The following FTO variants were observed in gnomAD, a reference collection of about 807,000 sequenced individuals.
FTO encodes the protein FTO alpha-ketoglutarate dependent dioxygenase.
A neutral mutation model predicts 63.9 loss-of-function variants in FTO; 47 were observed. The ratio of observed to expected loss-of-function variants is 0.74; its 90% CI spans 0.58 to 0.94. The LOEUF (loss-of-function observed/expected upper bound fraction) is 0.94. FTO is among the 40% of genes least tolerant of loss of function. FTO has a pLI of 0.00. For missense variants in FTO, 562 were observed against 618.1 expected, an observed-to-expected ratio of 0.91 and a Z score of 0.96; for synonymous variants, 207 against 224.4, an observed-to-expected ratio of 0.92 and a Z score of 0.69.
chr16:53,859,071 G>A (rs567495641), intron 4 of FTO, among the ~76,000 whole-genome samples: 1 of 152,260 alleles, frequency 6.6e-6, no homozygotes, highest in East Asian at 1.9e-4. Flanking sequence ...AGAGTATAGC[G>A]AGTTGGGGAA....
chr16:53,782,352 A>G (rs1376958041), intron 1 of FTO, among the ~76,000 whole-genome samples: 1 of 152,186 alleles, frequency 6.6e-6, no homozygotes, highest in East Asian at 1.9e-4. Flanking sequence ...CCAGTTGCCC[A>G]CTGTGGCAAT....
chr16:53,976,510 C>A (rs1162689175), intron 8 of FTO, among the ~76,000 whole-genome samples: 1 of 151,954 alleles, frequency 6.6e-6, no homozygotes, highest in African/African-American at 2.4e-5. Context: ...ATTATAGGGC[C>A]TTCCCTCCTC....
At chr16:53,794,345 A>G (rs1396676698) in intron 1 of FTO, among the ~76,000 whole-genome samples, 1 of 152,356 alleles carries the variant, frequency 6.6e-6, no homozygotes, top group East Asian at 1.9e-4. Context: ...TAAAGAAAAA[A>G]GTCGTAGCTG....
intron 8 of FTO, among the ~76,000 whole-genome samples, chr16:54,026,012 A>G (rs1369456518): frequency 7.6e-6 from 1 of 131,000 alleles, no homozygotes; most frequent in Admixed American, 8.0e-5. Context: ...GCTCTGGCTC[A>G]AAGAAAAAAA....
At chr16:53,750,025 T>C (rs576300235) in intron 1 of FTO, among the ~76,000 whole-genome samples, 8 of 152,254 alleles carry the variant, frequency 5.3e-5, no homozygotes, top group Non-Finnish European at 1.0e-4. Context: ...AGAAATAACA[T>C]TGGTGAAAAC....
chr16:54,009,512 A>G (rs762338730), intron 8 of FTO, among the ~76,000 whole-genome samples: 1 of 152,122 alleles, frequency 6.6e-6, no homozygotes, highest in Non-Finnish European at 1.5e-5. Flanking sequence ...AAGAAAAGGG[A>G]GTGAGAATTT....
chr16:53,761,323 A>C (rs1175893544), intron 1 of FTO, among the ~76,000 whole-genome samples: 1 of 150,792 alleles, frequency 6.6e-6, no homozygotes, highest in African/African-American at 2.4e-5. Context: ...GCTTGTTTCC[A>C]ACTCCTGGGC....
At chr16:53,973,327 TC>T (rs1288199159) in intron 8 of FTO, among the ~76,000 whole-genome samples, 1 of 152,166 alleles carries the variant, frequency 6.6e-6, no homozygotes, top group African/African-American at 2.4e-5. Flanking sequence ...GTAAACCTGA[TC>T]AAATCTAGGC....
chr16:53,974,466 G>T (rs1177942254), intron 8 of FTO, among the ~76,000 whole-genome samples: 1 of 152,146 alleles, frequency 6.6e-6, no homozygotes, highest in Non-Finnish European at 1.5e-5. Flanking sequence ...TGACTTGCCT[G>T]CAAATGATCA....
chr16:53,744,246 T>TAG (rs1020126678), intron 1 of FTO, among the ~76,000 whole-genome samples: 4 of 152,182 alleles, frequency 2.6e-5, no homozygotes, highest in Admixed American at 1.3e-4. Context: ...CTTCTTCAAT[T>TAG]AGAGACACAC....
chr16:53,818,623 C>A (rs1384659951), intron 2 of FTO, among the ~76,000 whole-genome samples: 1 of 151,198 alleles, frequency 6.6e-6, no homozygotes, highest in Non-Finnish European at 1.5e-5. Flanking sequence ...GGGATAACCA[C>A]CATAAACTTT....
At chr16:54,014,043 A>G (rs2144095950) in intron 8 of FTO, among the ~76,000 whole-genome samples, 1 of 152,254 alleles carries the variant, frequency 6.6e-6, no homozygotes, top group South Asian at 2.1e-4. Context: ...CACTTCTAGT[A>G]TAATTTATAT....
chr16:53,900,819 G>A (rs1198302659), intron 7 of FTO, among the ~76,000 whole-genome samples: 1 of 152,074 alleles, frequency 6.6e-6, no homozygotes, highest in Non-Finnish European at 1.5e-5. Flanking sequence ...GGCAGAAGCA[G>A]GGCCATCGCA....
chr16:53,892,817 C>T (rs1293168697), intron 7 of FTO, among the ~76,000 whole-genome samples: 1 of 152,102 alleles, frequency 6.6e-6, no homozygotes, highest in Non-Finnish European at 1.5e-5. Flanking sequence ...TCTTTTTTCA[C>T]TTTGTGGCTG....
At chr16:53,735,132 G>A (rs1179567191) in intron 1 of FTO, among the ~76,000 whole-genome samples, 1 of 152,202 alleles carries the variant, frequency 6.6e-6, no homozygotes, top group Non-Finnish European at 1.5e-5. Flanking sequence ...ATGTGTGACT[G>A]GAAATGAGAT....
intron 7 of FTO, among the ~76,000 whole-genome samples, chr16:53,902,339 C>CT (rs541819361): frequency 1.5e-4 from 23 of 152,208 alleles, no homozygotes; most frequent in African/African-American, 5.3e-4. Context: ...AGGAAGGACT[C>CT]AGAAGGATGT....
intron 7 of FTO, among the ~76,000 whole-genome samples, chr16:53,900,514 AC>A (rs2081376946): frequency 6.6e-6 from 1 of 151,994 alleles, no homozygotes; most frequent in Non-Finnish European, 1.5e-5. Flanking sequence ...CTAGCCTTAA[AC>A]ATTGGATAAT....
intron 4 of FTO, among the ~76,000 whole-genome samples, chr16:53,870,850 T>C (rs188876162): frequency 2.2e-4 from 33 of 152,348 alleles, no homozygotes; most frequent in African/African-American, 7.0e-4. Context: ...ACTATTCTTA[T>C]AGTGTAAATC....
In FTO at chr16:53,771,625, A is replaced by G. The variant is rs1183729789; in HGVS notation, c.46-38515A>G. 5.3e-5 allele frequency among the ~76,000 whole-genome samples: 8 copies of G among 152,088 alleles called. No individual in the cohort carries two copies. In the East Asian group the frequency reaches 1.5e-3, roughly 29 times the overall value. On this transcript the variant is annotated intron_variant, in intron 1 of 8. Coordinates refer to ENST00000471389, the MANE Select transcript of FTO (RefSeq NM_001080432.3). ...CCGGCAATTCCACTCCTAGTTACCC[A>G]AGAGAAATGACAATGTATGTCCACA...
Sources: allele counts gnomAD v4.1 joint callset (sites outside exome capture counted in the v4.1 genomes callset), GRCh38; gene constraint gnomAD v4.1.1; transcripts MANE v1.5; gene names NCBI Gene and HGNC (gene_info 2026-07-23, HGNC 2026-07-21).